ZRANB1: variants seen among roughly 807,000 people sequenced by gnomAD.
The protein encoded by ZRANB1 is zinc finger RANBP2-type containing 1.
A neutral mutation model predicts 80.5 loss-of-function variants in ZRANB1; 16 were observed. That is an observed-to-expected ratio of 0.20 (90% CI 0.13 to 0.30). The LOEUF (loss-of-function observed/expected upper bound fraction) is 0.30. ZRANB1 is among the 10% of genes least tolerant of loss of function. The pLI is 1.00. For missense variants in ZRANB1, 576 were observed against 862.6 expected (o/e 0.67, Z 4.16); for synonymous variants, 291 against 293.1 (o/e 0.99, Z 0.07).
At chr10:124,930,508 C>T in the ZRANB1 span, among the ~76,000 whole-genome samples, 33 of 152,246 alleles carry the variant, frequency 2.2e-4, no homozygotes, top group African/African-American at 7.2e-4. Flanking sequence ...TTAGGTGATC[C>T]GCCTGCCTTG....
At position 124,974,191 on chromosome 10, in the gene ZRANB1, A is replaced by G. The variant is rs775873426; in HGVS notation, c.1229-9A>G. 1.1e-5 allele frequency: 17 copies of G among 1,613,876 alleles called. No homozygotes were observed. The highest frequency in any genetic ancestry group is 3.3e-5 in the Admixed American group (2 of 60,016). On this transcript the variant is annotated splice_polypyrimidine_tract_variant and intron_variant, in intron 4 of 8. Transcript: ENST00000359653. ...TGGAAATGAACATGTATTTAAATCC[A>G]TCGTACAGAATTAGAAGAAGAATCT...
At chr10:124,960,519 A>G (rs1342398744) in intron 1 of ZRANB1, among the ~76,000 whole-genome samples, 1 of 152,130 alleles carries the variant, frequency 6.6e-6, no homozygotes, top group Non-Finnish European at 1.5e-5. Context: ...GCAGCCTCGA[A>G]TTCCTGGGCT....
intron 1 of ZRANB1, among the ~76,000 whole-genome samples, chr10:124,956,073 T>C (rs189366115): frequency 2.6e-5 from 4 of 152,336 alleles, no homozygotes; most frequent in African/African-American, 9.6e-5. Flanking sequence ...TTACACAGGG[T>C]TGCCAACTAG....
chr10:124,920,421 G>A, the ZRANB1 span, among the ~76,000 whole-genome samples: 1 of 152,096 alleles, frequency 6.6e-6, no homozygotes, highest in Non-Finnish European at 1.5e-5. Context: ...TAAAGACTTA[G>A]AGAAAACTCC....
rs1951855616 is a variant in ZRANB1, at chr10:124,974,366, C to T, written c.1395C>T (p.Ala465=). ...ACAAGGACTCAGTGCTTCGGAAAGC[C>T]CTGCATGACAGCCTGCATGACTGTT... is the stretch of plus-strand genomic sequence containing the variant. ...IYDKDSVLRK[A]LHDSLHDCSH... The change falls in exon 5 of 9, where the codon GCC becomes GCT. Residue 465 remains alanine, a synonymous_variant. Transcript: ENST00000359653. 6.2e-7 allele frequency: 1 copy of T among 1,614,214 alleles called. No individual in the cohort carries two copies. The highest frequency in any genetic ancestry group is 1.3e-5 in the African/African-American group (1 of 75,056).
At chr10:124,960,306 A>G (rs766917104) in intron 1 of ZRANB1, among the ~76,000 whole-genome samples, 6 of 152,150 alleles carry the variant, frequency 3.9e-5, no homozygotes, top group South Asian at 4.1e-4. Flanking sequence ...ATTTCTTCCA[A>G]TTTGATGATT....
chr10:124,922,592 A>G, the ZRANB1 span, among the ~76,000 whole-genome samples: 1 of 151,278 alleles, frequency 6.6e-6, no homozygotes, highest in Non-Finnish European at 1.5e-5. Flanking sequence ...ACCCGGCTTG[A>G]AGTGATTCTC....
chr10:124,953,944 CTT>C (rs568330737), intron 1 of ZRANB1, among the ~76,000 whole-genome samples: 1 of 145,448 alleles, frequency 6.9e-6, no homozygotes, highest in Admixed American at 6.9e-5. Context: ...ATTTAGTGTC[CTT>C]TTTTTTTTTC....
chr10:124,971,573 C>G (rs1481601985), intron 2 of ZRANB1, among the ~76,000 whole-genome samples: 1 of 152,134 alleles, frequency 6.6e-6, no homozygotes, highest in East Asian at 1.9e-4. Context: ...TGCAGTTTCC[C>G]TTTATCAGCT....
At chr10:124,937,343 C>T (rs978513743), upstream of ZRANB1, among the ~76,000 whole-genome samples, 6 of 152,028 alleles carry the variant, frequency 3.9e-5, no homozygotes, top group East Asian at 1.9e-4. Context: ...CCTGCCACCA[C>T]GCCCAGCAAG....
intron 1 of ZRANB1, among the ~76,000 whole-genome samples, chr10:124,959,375 T>C (rs1458879187): frequency 6.6e-6 from 1 of 151,942 alleles, no homozygotes; most frequent in African/African-American, 2.4e-5. Flanking sequence ...CTGTAGGGAA[T>C]ATTGGGACTA....
At chr10:124,940,554 G>T, upstream of ZRANB1, 1 of 1,288,386 alleles carries the variant, frequency 7.8e-7, no homozygotes, top group Non-Finnish European at 1.0e-6. Context: ...CTTAGTAAGT[G>T]TGGTTTTTAT....
the ZRANB1 span, among the ~76,000 whole-genome samples, chr10:124,923,065 G>A: frequency 6.6e-6 from 1 of 152,008 alleles, no homozygotes; most frequent in Non-Finnish European, 1.5e-5. Context: ...TAGGCGGGTA[G>A]ATCACAAGGT....
chr10:124,922,492 A>ATT, the ZRANB1 span, among the ~76,000 whole-genome samples: 34 of 132,120 alleles, frequency 2.6e-4, no homozygotes, highest in African/African-American at 9.0e-4. Context: ...CACCTGGCTA[A>ATT]TTTTTTTTTT....
At chr10:124,962,415 C>T (rs1408104378) in intron 1 of ZRANB1, 3 of 984,908 alleles carry the variant, frequency 3.0e-6, no homozygotes, top group East Asian at 1.1e-4. Context: ...TCAGGTAAGT[C>T]CTGGCTTTTT....
intron 1 of ZRANB1, among the ~76,000 whole-genome samples, chr10:124,965,089 G>T (rs1208089935): frequency 6.6e-6 from 1 of 152,204 alleles, no homozygotes; most frequent in East Asian, 1.9e-4. Flanking sequence ...CCTTTGGGAA[G>T]ATTTATAGCC....
the ZRANB1 span, among the ~76,000 whole-genome samples, chr10:124,919,396 A>G: frequency 6.6e-6 from 1 of 151,578 alleles, no homozygotes; most frequent in Non-Finnish European, 1.5e-5. Flanking sequence ...AATACAAGAA[A>G]ATTTGCCGGG....
At chr10:124,933,407 G>A in the ZRANB1 span, among the ~76,000 whole-genome samples, 1 of 152,170 alleles carries the variant, frequency 6.6e-6, no homozygotes, top group East Asian at 1.9e-4. Context: ...AAAGTGCTGG[G>A]TTTACAGGCG....
intron 1 of ZRANB1, among the ~76,000 whole-genome samples, chr10:124,949,990 A>G (rs1025820420): frequency 2.0e-5 from 3 of 152,186 alleles, no homozygotes; most frequent in African/African-American, 4.8e-5. Flanking sequence ...CTTCTTTATC[A>G]AGTAGCAGGA....
Sources: allele counts gnomAD v4.1 joint callset (sites outside exome capture counted in the v4.1 genomes callset), GRCh38; gene constraint gnomAD v4.1.1; transcripts MANE v1.5; gene names NCBI Gene and HGNC (gene_info 2026-07-23, HGNC 2026-07-21).